Variants in SNRPN observed in about 807,000 individuals in gnomAD.
SNRPN encodes small nuclear ribonucleoprotein-associated protein N.
SNRPN carries 7 observed loss-of-function variants against 25.2 expected under a neutral mutation model. The ratio of observed to expected loss-of-function variants is 0.28; its 90% CI spans 0.16 to 0.52. The LOEUF is 0.52. SNRPN is among the 20% of genes least tolerant of loss of function. The probability of loss-of-function intolerance (pLI) is 0.96; values close to 1 mark genes in which losing one functional copy is unlikely to be tolerated. For missense variants in SNRPN, 196 were observed against 322.5 expected (o/e 0.61, Z 3.00); for synonymous variants, 124 against 110.6 (o/e 1.12, Z -0.76).
At chr15:24,958,520 T>TTTTTTC (rs1440476628) in intron 1 of SNRPN, among the ~76,000 whole-genome samples, 1 of 120,716 alleles carries the variant, frequency 8.3e-6, no homozygotes, top group Non-Finnish European at 1.6e-5. Context: ...TTTTTTTTTT[T>TTTTTTC]AAATAGACCA....
At chr15:24,901,647 A>C (rs1595794671) in intron 2 of SNRPN, among the ~76,000 whole-genome samples, 1 of 137,784 alleles carries the variant, frequency 7.3e-6, no homozygotes, top group Non-Finnish European at 1.6e-5. Flanking sequence ...AGTTACACAT[A>C]AACTTTAGTG....
intron 3 of SNRPN, chr15:24,968,715 C>G (rs2076015334): frequency 6.6e-6 from 1 of 152,132 alleles, no homozygotes; most frequent in Admixed American, 6.5e-5. Context: ...CTTTCTCATG[C>G]TTATTTACTA....
chr15:24,968,253 A>G (rs1326795581), intron 3 of SNRPN, 171 bp downstream of exon 3: 1 of 525,956 alleles, frequency 1.9e-6, no homozygotes, highest in African/African-American at 1.9e-5. Flanking sequence ...TTCTGCCCTG[A>G]CACTTTCGTC....
intron 3 of SNRPN, among the ~76,000 whole-genome samples, chr15:24,928,667 G>T (rs1203051515): frequency 6.6e-6 from 1 of 151,884 alleles, no homozygotes; most frequent in East Asian, 1.9e-4. Context: ...ACAGGGTCTT[G>T]CCCTGTCACC....
intron 3 of SNRPN, among the ~76,000 whole-genome samples, chr15:24,936,966 C>G (rs1230714940): frequency 6.6e-6 from 1 of 152,100 alleles, no homozygotes; most frequent in Non-Finnish European, 1.5e-5. Context: ...TAAAACCGGC[C>G]AGGTGCGATG....
At chr15:24,950,873 T>A (rs1237357317), upstream of SNRPN, among the ~76,000 whole-genome samples, 7 of 150,812 alleles carry the variant, frequency 4.6e-5, no homozygotes, top group African/African-American at 9.8e-5. Flanking sequence ...TTTTTTTTTT[T>A]AAATTTGAAA....
chr15:24,864,138 T>C (rs1411565609), intron 1 of SNRPN, among the ~76,000 whole-genome samples: 2 of 148,738 alleles, frequency 1.3e-5, no homozygotes, highest in African/African-American at 5.1e-5. Context: ...ACTATTCTCC[T>C]GCCTCAGCCT....
Position 24,976,972 on chromosome 15 carries a change from C to T in SNRPN, c.363C>T (p.Pro121=), listed in dbSNP as rs142287541. ...GRGVPAGVPI[P]QAPAGLAGPV... Reference sequence around the variant, plus strand: ...GAGTACCAGCTGGTGTGCCAATTCCCCAGGCCCCTGCTGGATTGGCAGGCC... The same window carrying T: ...GAGTACCAGCTGGTGTGCCAATTCCTCAGGCCCCTGCTGGATTGGCAGGCC... The change falls in exon 7 of 10, where the codon CCC becomes CCT. Residue 121 remains proline, a synonymous_variant. Coordinates refer to ENST00000390687, the MANE Select transcript of SNRPN (RefSeq NM_003097.6). 7 of 1,604,720 alleles carry T rather than the reference C, an allele frequency of 4.4e-6. No homozygotes were observed. The highest frequency in any genetic ancestry group is 1.7e-5 in the Admixed American group (1 of 58,464).
chr15:24,950,316 A>G (rs945096286), upstream of SNRPN, among the ~76,000 whole-genome samples: 4 of 151,712 alleles, frequency 2.6e-5, no homozygotes, highest in African/African-American at 7.3e-5. Context: ...AGCTGGGACT[A>G]CAGGTGCGTG....
chr15:24,845,349 G>A (rs137934384), intron 2 of SNRPN, among the ~76,000 whole-genome samples: 1 of 152,312 alleles, frequency 6.6e-6, no homozygotes, highest in East Asian at 1.9e-4. Context: ...CTGTAATCTG[G>A]CACTTTGGGA....
rs202002403 is a variant in SNRPN, at chr15:24,913,648, A to AAAAAC, written c.-504-6343_-504-6339dup. On this transcript the variant is annotated intron_variant, in intron 2 of 11. Transcript: ENST00000400097. Reference sequence around the variant, plus strand: ...GTGACATAGTGAGACTCCGTCTCAAAAAAACAAAACAAAACAAAACAAAAA... The same window carrying AAAAAC: ...GTGACATAGTGAGACTCCGTCTCAAAAAAACAAAACAAAACAAAACAAAACAAAAA... 3.1e-4 allele frequency among the ~76,000 whole-genome samples: 47 copies of AAAAAC among 152,180 alleles called. No homozygotes were observed. In the South Asian group the frequency reaches 9.4e-3, roughly 30 times the overall value.
At chr15:24,934,850 C>T (rs1458542153) in intron 3 of SNRPN, among the ~76,000 whole-genome samples, 1 of 152,226 alleles carries the variant, frequency 6.6e-6, no homozygotes, top group African/African-American at 2.4e-5. Flanking sequence ...AGCCACCGTG[C>T]TTGGCTGACC....
chr15:24,927,777 C>A (rs1473292488), intron 3 of SNRPN, among the ~76,000 whole-genome samples: 1 of 151,922 alleles, frequency 6.6e-6, no homozygotes, highest in Non-Finnish European at 1.5e-5. Context: ...TAATATCTTT[C>A]CTCTGAAATG....
intron 3 of SNRPN, among the ~76,000 whole-genome samples, chr15:24,940,871 G>C (rs907456928): frequency 6.6e-6 from 1 of 152,188 alleles, no homozygotes; most frequent in Admixed American, 6.5e-5. Context: ...TGCAGACTAG[G>C]CTGGCAGTCT....
intron 3 of SNRPN, among the ~76,000 whole-genome samples, chr15:24,930,900 GA>G (rs997199848): frequency 0.014 from 1,709 of 125,802 alleles, 19 homozygotes; most frequent in African/African-American, 0.039. Context: ...GTCTGTCTCA[GA>G]AAAAAAAAAA....
chr15:24,946,416 TAAAAA>T (rs1189488474), intron 3 of SNRPN, among the ~76,000 whole-genome samples: 1 of 152,100 alleles, frequency 6.6e-6, no homozygotes, highest in Non-Finnish European at 1.5e-5. Context: ...CTAAAAAAAA[TAAAAA>T]GAAAAGATGG....
chr15:24,948,518 A>G (rs1010867664), intron 3 of SNRPN, among the ~76,000 whole-genome samples: 2 of 152,044 alleles, frequency 1.3e-5, no homozygotes, highest in African/African-American at 4.8e-5. Context: ...TGATGTACCA[A>G]TATTGGTACA....
intron 3 of SNRPN, among the ~76,000 whole-genome samples, chr15:24,973,674 A>G (rs2076728772): frequency 6.6e-6 from 1 of 152,242 alleles, no homozygotes; most frequent in South Asian, 2.1e-4. Flanking sequence ...TGCTGGGATT[A>G]CAGGCGTGAG....
At chr15:24,904,134 A>C (rs187407869) in intron 2 of SNRPN, among the ~76,000 whole-genome samples, 16 of 152,280 alleles carry the variant, frequency 1.1e-4, no homozygotes, top group African/African-American at 3.9e-4. Flanking sequence ...ATTTTTAAAT[A>C]TATTTCAAAA....
Sources: allele counts gnomAD v4.1 joint callset (sites outside exome capture counted in the v4.1 genomes callset), GRCh38; gene constraint gnomAD v4.1.1; transcripts MANE v1.5; gene names NCBI Gene and HGNC (gene_info 2026-07-23, HGNC 2026-07-21).